Variants in PHACTR2 observed in about 807,000 individuals in gnomAD.
The protein encoded by PHACTR2 is chromosome 6 open reading frame 56.
A neutral mutation model predicts 76.0 loss-of-function variants in PHACTR2; 30 were observed. The observed-to-expected ratio is 0.39, with a 90% CI of 0.30 to 0.54. PHACTR2 has a LOEUF of 0.54. PHACTR2 is among the 20% of genes least tolerant of loss of function. The pLI is 0.61. For missense variants in PHACTR2, 696 were observed against 781.1 expected, an observed-to-expected ratio of 0.89 and a Z score of 1.30; for synonymous variants, 292 against 292.5, an observed-to-expected ratio of 1.00 and a Z score of 0.02.
chr6:143,711,945 A>T, intron 1 of PHACTR2, 71 bp from the exon 2 acceptor site: 5 of 1,313,144 alleles, frequency 3.8e-6, no homozygotes, highest in Non-Finnish European at 5.5e-6. Flanking sequence ...CAGCCCAGGG[A>T]CCAATTGATG....
chr6:143,576,013 G>A (rs1775502742), intron 1 of PHACTR2, among the ~76,000 whole-genome samples: 1 of 152,248 alleles, frequency 6.6e-6, no homozygotes, highest in South Asian at 2.1e-4. Context: ...ATCAGACAAA[G>A]CCAATGTCCT....
At chr6:143,758,927 A>G (rs1316040914) in intron 4 of PHACTR2, among the ~76,000 whole-genome samples, 3 of 152,224 alleles carry the variant, frequency 2.0e-5, no homozygotes, top group Non-Finnish European at 2.9e-5. Flanking sequence ...AATATAAATA[A>G]TAATAAAATG....
chr6:143,564,061 C>T (rs1330215506), intron 1 of PHACTR2, among the ~76,000 whole-genome samples: 2 of 150,964 alleles, frequency 1.3e-5, no homozygotes. Context: ...TTTTACTTCA[C>T]ATAAGCTGAG....
At position 143,791,524 on chromosome 6, in the gene PHACTR2, C is replaced by T. The variant is rs947753886; in HGVS notation, c.1845+2614C>T. On this transcript the variant is annotated intron_variant, in intron 11 of 12. Transcript: ENST00000440869. The surrounding 1 kb of genome is among the most constrained non-coding windows in gnomAD (Gnocchi z 4.7). The stretch of plus-strand genomic sequence containing the variant: ...TGGGATTTTTAGTAATTATAAATAT[C>T]TCACATGTCCTTGAAAACAATATGT... Among the ~76,000 whole-genome samples, 2 of 152,166 alleles carry T rather than the reference C, an allele frequency of 1.3e-5. No individual in the cohort carries two copies. The highest frequency in any genetic ancestry group is 3.9e-4 in the East Asian group (2 of 5,194).
In PHACTR2 at chr6:143,556,396, AT is replaced by A. The variant is rs1198475841; in HGVS notation, c.217+19193del. 6.6e-6 allele frequency among the ~76,000 whole-genome samples: 1 copy of A among 152,256 alleles called. No individual in the cohort carries two copies. The highest frequency in any genetic ancestry group is 1.5e-5 in the Non-Finnish European group (1 of 68,042). On this transcript the variant is annotated intron_variant, in intron 1 of 11. Transcript: ENST00000367584. This position sits in a 1 kb window ranked among gnomAD's most constrained non-coding sequence, Gnocchi z 4.3. ...AGGTGAGGAATACAGGAAGTAGTGC[AT>A]TTTACTAAATGGAGAAAACATTGAA...
In PHACTR2 at chr6:143,827,300, T is replaced by C. The variant is rs79525858; in HGVS notation, c.*3611T>C. 0.055 allele frequency: 8,242 copies of C among 150,924 alleles called. 247 individuals carry two copies. The highest frequency in any genetic ancestry group is 0.13 in the South Asian group (599 of 4,764). The allele number at this position is 150,924 out of a possible 1,614,324, so 9.3% of individuals were successfully genotyped here. On this transcript the variant is annotated 3_prime_UTR_variant, in exon 13 of 13. Transcript: ENST00000440869. ...ATATTAACACATAACAGGCATTTTA[T>C]TTATGCTTCATAGAATCAGACAGAC...
rs1775697420 is a variant in PHACTR2, at chr6:143,592,010, G to A, written c.217+54803G>A. On this transcript the variant is annotated intron_variant, in intron 1 of 11. Coordinates refer to the PHACTR2 transcript ENST00000367584. This position sits in a 1 kb window ranked among gnomAD's most constrained non-coding sequence, Gnocchi z 4.0. ...CTGTTTGTGGGTTGTGTTGACAGAA[G>A]TGCATTTGTGGATATGAGAGGTGCA... is the stretch of plus-strand genomic sequence containing the variant. Among the ~76,000 whole-genome samples the A allele has an allele frequency of 6.6e-6, 1 of 152,144 alleles. No homozygotes were observed. Among genetic ancestry groups the A allele is most frequent in the South Asian group, 2.1e-4 (1 of 4,828 alleles).
intron 1 of PHACTR2, among the ~76,000 whole-genome samples, chr6:143,587,194 C>G (rs1203067414): frequency 3.3e-5 from 5 of 152,084 alleles, no homozygotes; most frequent in African/African-American, 1.2e-4. Flanking sequence ...TATTTCTAAA[C>G]AGAACTAACA....
At position 143,581,607 on chromosome 6, in the gene PHACTR2, A is replaced by T. The variant is rs767452924; in HGVS notation, c.217+44400A>T. 8.5e-5 allele frequency among the ~76,000 whole-genome samples: 13 copies of T among 152,146 alleles called. No individual in the cohort carries two copies. Among genetic ancestry groups the T allele is most frequent in the Admixed American group, 4.6e-4 (7 of 15,284 alleles). ...ATCTATTGCTGCATGACAAATACGG[A>T]TCACTCAAGTCCAGGAGTTTGAGAC... On this transcript the variant is annotated intron_variant, in intron 1 of 11. Transcript: ENST00000367584. This position sits in a 1 kb window ranked among gnomAD's most constrained non-coding sequence, Gnocchi z 4.5.
At chr6:143,540,336 A>G (rs1781161004) in intron 1 of PHACTR2, among the ~76,000 whole-genome samples, 1 of 152,116 alleles carries the variant, frequency 6.6e-6, no homozygotes, top group Admixed American at 6.5e-5. Flanking sequence ...AAGAGTTGTC[A>G]GAGAACAGCC....
intron 1 of PHACTR2, among the ~76,000 whole-genome samples, chr6:143,586,080 G>A (rs931362043): frequency 2.6e-5 from 4 of 152,142 alleles, no homozygotes; most frequent in African/African-American, 9.7e-5. Flanking sequence ...TAGCTAGGAA[G>A]TTCAGCTAAT....
In PHACTR2 at chr6:143,562,191, T is replaced by A. The variant is rs1775288379; in HGVS notation, c.217+24984T>A. On this transcript the variant is annotated intron_variant, in intron 1 of 11. Coordinates refer to the PHACTR2 transcript ENST00000367584. This position sits in a 1 kb window ranked among gnomAD's most constrained non-coding sequence, Gnocchi z 5.1. ...GTTTACTTGATGTATTAGGCCATTC[T>A]TGCACTGCTATGAATAAATACCTGA... Among the ~76,000 whole-genome samples the A allele has an allele frequency of 1.3e-5, 2 of 152,202 alleles. No homozygotes were observed. Among genetic ancestry groups the A allele is most frequent in the East Asian group, 3.8e-4 (2 of 5,196 alleles).
rs913343642 is a variant in PHACTR2, at chr6:143,709,113, G to A, written c.47-2903G>A. Among the ~76,000 whole-genome samples the A allele has an allele frequency of 1.3e-5, 2 of 152,188 alleles. No individual in the cohort carries two copies. Among genetic ancestry groups the A allele is most frequent in the Non-Finnish European group, 2.9e-5 (2 of 68,032 alleles). ...GGGTTTGCCCTCTGGTTCAAAGAGG[G>A]AAGTTGGACAGGAGTTAAATTGAAG... On this transcript the variant is annotated intron_variant, in intron 1 of 12. Coordinates refer to ENST00000440869, the MANE Select transcript of PHACTR2 (RefSeq NM_001100164.2). This position sits in a 1 kb window ranked among gnomAD's most constrained non-coding sequence, Gnocchi z 4.4.
In PHACTR2 at chr6:143,553,344, A is replaced by AAT. The variant is rs1319634153; in HGVS notation, c.217+16137_217+16138insAT. 2.0e-5 allele frequency among the ~76,000 whole-genome samples: 3 copies of AAT among 152,234 alleles called. No individual in the cohort carries two copies. The highest frequency in any genetic ancestry group is 2.0e-4 in the Admixed American group (3 of 15,284). On this transcript the variant is annotated intron_variant, in intron 1 of 11. Coordinates refer to the PHACTR2 transcript ENST00000367584. The surrounding 1 kb of genome is among the most constrained non-coding windows in gnomAD (Gnocchi z 4.2). ...GTACAGAAGTGACTGTGCATTTTAA[A>AAT]GAGAGAATGAAGGAGTATAGAGGGA...
chr6:143,566,244 A>G (rs975246527), intron 1 of PHACTR2, among the ~76,000 whole-genome samples: 1 of 151,732 alleles, frequency 6.6e-6, no homozygotes, highest in Non-Finnish European at 1.5e-5. Context: ...GATTACAGGC[A>G]TGAACCACTG....
rs181676135 is a variant in PHACTR2, at chr6:143,765,873, C to A, written c.1232+75C>A. ...AATATATTCTGTTGGAAATGAAGCA[C>A]CGGGTTTGCTTTCTTATATAATTTA... On this transcript the variant is annotated intron_variant, in intron 6 of 12. Transcript: ENST00000440869. This position sits in a 1 kb window ranked among gnomAD's most constrained non-coding sequence, Gnocchi z 4.1. 1 of 1,290,654 alleles carries A rather than the reference C, an allele frequency of 7.7e-7. No individual in the cohort carries two copies. Among genetic ancestry groups the A allele is most frequent in the African/African-American group, 1.5e-5 (1 of 67,618 alleles). The allele number at this position is 1,290,654 out of a possible 1,614,324, so 80.0% of individuals were successfully genotyped here.
intron 1 of PHACTR2, among the ~76,000 whole-genome samples, chr6:143,632,081 C>G (rs924956780): frequency 6.6e-6 from 1 of 152,198 alleles, no homozygotes; most frequent in East Asian, 1.9e-4. Flanking sequence ...CCCCCTGCCC[C>G]TCCCTGGCCC....
At chr6:143,768,347 A>C (rs1328037866) in intron 6 of PHACTR2, among the ~76,000 whole-genome samples, 1 of 152,232 alleles carries the variant, frequency 6.6e-6, no homozygotes, top group Non-Finnish European at 1.5e-5. Context: ...CTAAGCACCA[A>C]GGATACAAAA....
At chr6:143,748,791 A>G (rs1301614788) in intron 2 of PHACTR2, 194 bp from the exon 3 acceptor site, 1 of 438,640 alleles carries the variant, frequency 2.3e-6, no homozygotes, top group African/African-American at 2.1e-5. Context: ...ACTTCAGATC[A>G]TGGGCTGCAG....
Sources: allele counts gnomAD v4.1 joint callset (sites outside exome capture counted in the v4.1 genomes callset), GRCh38; gene constraint gnomAD v4.1.1; non-coding constraint Gnocchi (gnomAD v3.1); transcripts MANE v1.5; gene names NCBI Gene and HGNC (gene_info 2026-07-23, HGNC 2026-07-21).